The following FERMT2 variants were observed in gnomAD, a reference collection of about 807,000 sequenced individuals.
The protein encoded by FERMT2 is FERM domain containing kindlin 2, also known as fermitin family homolog 2.
Under a neutral mutation model 82.7 loss-of-function variants are expected in FERMT2, and 15 were observed. That is an observed-to-expected ratio of 0.18 (90% CI 0.12 to 0.28). The LOEUF (loss-of-function observed/expected upper bound fraction) is 0.28. Among genes scored for constraint, FERMT2 ranks in the 10% least tolerant of loss-of-function variants. FERMT2 has a pLI of 1.00. For synonymous variants in FERMT2, 274 were observed against 271.5 expected (o/e 1.01, Z -0.09); for missense variants, 645 against 809.4 (o/e 0.80, Z 2.46).
intron 4 of FERMT2, among the ~76,000 whole-genome samples, chr14:52,890,215 T>C (rs1450169382): frequency 6.6e-6 from 1 of 151,112 alleles, no homozygotes; most frequent in Non-Finnish European, 1.5e-5. Context: ...GGTGGATCGA[T>C]CATGAGGTCA....
chr14:52,909,542 C>G (rs1347354701), intron 3 of FERMT2, among the ~76,000 whole-genome samples: 1 of 152,156 alleles, frequency 6.6e-6, no homozygotes, highest in Non-Finnish European at 1.5e-5. Flanking sequence ...AATCCCAGCA[C>G]TTTGGGAGGC....
At chr14:52,913,371 T>C (rs904709919) in intron 3 of FERMT2, among the ~76,000 whole-genome samples, 2 of 152,196 alleles carry the variant, frequency 1.3e-5, no homozygotes, top group Non-Finnish European at 2.9e-5. Flanking sequence ...GCGCTCTCAC[T>C]GGATATGGCT....
intron 2 of FERMT2, among the ~76,000 whole-genome samples, chr14:52,939,893 A>T (rs1403981614): frequency 6.6e-6 from 1 of 152,240 alleles, no homozygotes. Context: ...GCTGGGAAGC[A>T]CTTACCCAGT....
At chr14:52,875,435 T>C (rs961878731) in intron 7 of FERMT2, 78 bp from the exon 8 acceptor site, 62 of 1,100,190 alleles carry the variant, frequency 5.6e-5, no homozygotes, top group Middle Eastern at 2.4e-4. Context: ...TGAATCTATA[T>C]TTAATGCTTT....
At chr14:52,870,028 A>AC (rs1160976157) in intron 10 of FERMT2, among the ~76,000 whole-genome samples, 5 of 152,246 alleles carry the variant, frequency 3.3e-5, no homozygotes, top group African/African-American at 1.2e-4. Context: ...GTATAGCTGT[A>AC]CAATGTTTAA....
chr14:52,924,278 A>C (rs1330225886), intron 2 of FERMT2, among the ~76,000 whole-genome samples: 1 of 152,178 alleles, frequency 6.6e-6, no homozygotes, highest in Non-Finnish European at 1.5e-5. Flanking sequence ...TGCATGGTTT[A>C]GGTGTTACTA....
intron 3 of FERMT2, among the ~76,000 whole-genome samples, chr14:52,901,864 G>C (rs1887674042): frequency 6.6e-6 from 1 of 152,238 alleles, no homozygotes; most frequent in Non-Finnish European, 1.5e-5. Context: ...TTAACCTACA[G>C]TGACTGTGAG....
intron 2 of FERMT2, among the ~76,000 whole-genome samples, chr14:52,926,454 A>ACT (rs1555372868): frequency 4.3e-5 from 6 of 138,232 alleles, no homozygotes; most frequent in Non-Finnish European, 6.3e-5. Flanking sequence ...ACACACACAC[A>ACT]CTCAGCCTGG....
At chr14:52,948,510 T>G (rs1016804137) in intron 2 of FERMT2, 3 of 446,974 alleles carry the variant, frequency 6.7e-6, no homozygotes, top group Non-Finnish European at 1.3e-5. Flanking sequence ...GGAATCAGTA[T>G]GAATTCAGTT....
intron 3 of FERMT2, among the ~76,000 whole-genome samples, chr14:52,910,570 T>G (rs1304024300): frequency 1.3e-5 from 2 of 152,166 alleles, no homozygotes. Context: ...AAAACTTCAT[T>G]TAATTATTAC....
intron 2 of FERMT2, among the ~76,000 whole-genome samples, chr14:52,940,091 T>C (rs996457904): frequency 1.3e-5 from 2 of 152,212 alleles, no homozygotes; most frequent in African/African-American, 4.8e-5. Context: ...CAGTTAAATA[T>C]CTGAGAAAAG....
rs1438106777 is a variant in FERMT2, at chr14:52,925,448, C to T, written c.158-6092G>A. On this transcript the variant is annotated intron_variant, in intron 2 of 14. Transcript: ENST00000341590. Reference sequence around the variant, plus strand: ...TGGTGCACACCTGCAATCCCAGCTACTTGGGAAGGCTGAGGCAGGAGAATG... The same window carrying T: ...TGGTGCACACCTGCAATCCCAGCTATTTGGGAAGGCTGAGGCAGGAGAATG... Among the ~76,000 whole-genome samples the T allele has an allele frequency of 2.0e-5, 3 of 150,702 alleles. No individual in the cohort carries two copies. The East Asian group carries it at 5.9e-4, about 30-fold the overall frequency.
At chr14:52,874,430 G>A (rs1240547974) in intron 8 of FERMT2, among the ~76,000 whole-genome samples, 1 of 152,038 alleles carries the variant, frequency 6.6e-6, no homozygotes, top group Non-Finnish European at 1.5e-5. Context: ...TAGCATAAAA[G>A]GTTAACAAAA....
At chr14:52,902,900 C>CAAAAAAA (rs1887757154) in intron 3 of FERMT2, among the ~76,000 whole-genome samples, 1 of 42,536 alleles carries the variant, frequency 2.4e-5, no homozygotes. Context: ...AACCCCAAAA[C>CAAAAAAA]ACTGAAAATT....
intron 4 of FERMT2, among the ~76,000 whole-genome samples, chr14:52,886,760 G>A (rs1228562126): frequency 6.6e-6 from 1 of 152,142 alleles, no homozygotes; most frequent in Non-Finnish European, 1.5e-5. Context: ...AAACGGTACT[G>A]TCAAGTTGGA....
At chr14:52,918,618 A>G (rs371712242) in intron 3 of FERMT2, among the ~76,000 whole-genome samples, 6 of 152,352 alleles carry the variant, frequency 3.9e-5, no homozygotes, top group African/African-American at 1.4e-4. Context: ...GTCATATGAC[A>G]TAACTGGGTC....
intron 10 of FERMT2, chr14:52,871,645 A>C (rs1445485321): frequency 6.6e-6 from 1 of 152,254 alleles, no homozygotes; most frequent in Non-Finnish European, 1.5e-5. Flanking sequence ...CAATAGAAGA[A>C]ATCACTGAAA....
At chr14:52,930,039 A>C (rs1385858961) in intron 2 of FERMT2, among the ~76,000 whole-genome samples, 1 of 152,174 alleles carries the variant, frequency 6.6e-6, no homozygotes, top group Non-Finnish European at 1.5e-5. Flanking sequence ...TTTTTAAACC[A>C]TCAATAAAAG....
chr14:52,929,634 G>A (rs754478170), intron 2 of FERMT2, among the ~76,000 whole-genome samples: 5 of 152,064 alleles, frequency 3.3e-5, no homozygotes, highest in Non-Finnish European at 7.3e-5. Flanking sequence ...CCTTGTACAT[G>A]CTACTCCACT....
Sources: allele counts gnomAD v4.1 joint callset (sites outside exome capture counted in the v4.1 genomes callset), GRCh38; gene constraint gnomAD v4.1.1; transcripts MANE v1.5; gene names NCBI Gene and HGNC (gene_info 2026-07-23, HGNC 2026-07-21).